The following MYO9A variants were observed in gnomAD, a reference collection of about 807,000 sequenced individuals.
MYO9A encodes unconventional myosin-IXa.
MYO9A carries 103 observed loss-of-function variants against 293.3 expected under a neutral mutation model. The ratio of observed to expected loss-of-function variants is 0.35; its 90% CI spans 0.30 to 0.41. MYO9A has a LOEUF of 0.41. Among genes scored for constraint, MYO9A ranks in the 10% least tolerant of loss-of-function variants. The pLI is 1.00. For synonymous variants in MYO9A, 1,001 were observed against 1,035.7 expected (o/e 0.97, Z 0.64); for missense variants, 2,685 against 3,033.0 (o/e 0.89, Z 2.69).
At chr15:71,942,204 C>T (rs2146191969) in intron 15 of MYO9A, among the ~76,000 whole-genome samples, 2 of 151,994 alleles carry the variant, frequency 1.3e-5, no homozygotes, top group South Asian at 4.2e-4. Flanking sequence ...AATCAGAACA[C>T]AAAATACATA....
intron 1 of MYO9A, among the ~76,000 whole-genome samples, chr15:72,076,802 A>T (rs2150286958): frequency 6.6e-6 from 1 of 152,312 alleles, no homozygotes; most frequent in Non-Finnish European, 1.5e-5. Flanking sequence ...TTGAAGGAGA[A>T]AAACAAGGTC....
At chr15:72,048,822 T>C (rs1026599180) in intron 1 of MYO9A, among the ~76,000 whole-genome samples, 1 of 152,236 alleles carries the variant, frequency 6.6e-6, no homozygotes, top group Non-Finnish European at 1.5e-5. Context: ...TGACATCTAA[T>C]TGACTCTTCT....
chr15:71,831,376 CTAAAATATT>C (rs1246149160), intron 39 of MYO9A, among the ~76,000 whole-genome samples: 1 of 152,178 alleles, frequency 6.6e-6, no homozygotes, highest in African/African-American at 2.4e-5. Flanking sequence ...CCTACAAAGA[CTAAAATATT>C]TATTCTCTAG....
At chr15:72,044,723 A>G (rs955379338) in intron 2 of MYO9A, among the ~76,000 whole-genome samples, 2 of 152,200 alleles carry the variant, frequency 1.3e-5, no homozygotes, top group Non-Finnish European at 1.5e-5. Flanking sequence ...TCTCTACATT[A>G]TTACAAGTTT....
chr15:71,859,225 A>G (rs1183829703), intron 34 of MYO9A, among the ~76,000 whole-genome samples: 9 of 152,228 alleles, frequency 5.9e-5, no homozygotes, highest in Admixed American at 5.9e-4. Context: ...TACATCGATA[A>G]AAGCCTGAAT....
intron 11 of MYO9A, among the ~76,000 whole-genome samples, chr15:71,986,753 GCTA>G (rs1287241169): frequency 6.6e-6 from 1 of 151,982 alleles, no homozygotes; most frequent in Non-Finnish European, 1.5e-5. Context: ...GTTTTAAATG[GCTA>G]CTACAAAAGT....
chr15:71,852,356 A>G, intron 35 of MYO9A, 96 bp from the exon 36 acceptor site: 2 of 1,045,484 alleles, frequency 1.9e-6, no homozygotes, highest in South Asian at 2.2e-5. Flanking sequence ...GGAAGGCTTC[A>G]TGTTTCTTTT....
chr15:72,012,430 G>A (rs2077201046), intron 6 of MYO9A, among the ~76,000 whole-genome samples: 1 of 152,026 alleles, frequency 6.6e-6, no homozygotes, highest in Non-Finnish European at 1.5e-5. Context: ...AAGCAGCTGG[G>A]ATTACAGGTG....
At position 72,092,015 on chromosome 15, in the gene MYO9A, G is replaced by A. The variant is rs575236338; in HGVS notation, c.-72+25665C>T. Among the ~76,000 whole-genome samples, 178 of 152,050 alleles carry A rather than the reference G, an allele frequency of 1.2e-3. 1 individual carries two copies. Among genetic ancestry groups the A allele is most frequent in the African/African-American group, 4.1e-3 (168 of 41,478 alleles). ...ACAGGTGTTAGCCATCGCGCCCGGC[G>A]AAAAATATATATTCTTAAAAGCCTC... is the stretch of plus-strand genomic sequence containing the variant. On this transcript the variant is annotated intron_variant, in intron 1 of 41. Coordinates refer to ENST00000356056, the MANE Select transcript of MYO9A (RefSeq NM_006901.4).
At chr15:71,955,082 T>C (rs1421141195) in intron 14 of MYO9A, among the ~76,000 whole-genome samples, 1 of 152,056 alleles carries the variant, frequency 6.6e-6, no homozygotes, top group Non-Finnish European at 1.5e-5. Context: ...CCCTTGCCCC[T>C]GATCCCACCA....
chr15:71,849,856 T>C (rs2141273967), intron 38 of MYO9A, among the ~76,000 whole-genome samples, 180 bp downstream of exon 38: 1 of 152,278 alleles, frequency 6.6e-6, no homozygotes, highest in East Asian at 1.9e-4. Context: ...TTAAGACAAA[T>C]GATGCTCAGT....
At chr15:72,008,054 A>G (rs554169954) in intron 7 of MYO9A, 102 bp from the exon 8 acceptor site, 2 of 1,373,876 alleles carry the variant, frequency 1.5e-6, no homozygotes, top group East Asian at 2.4e-5. Flanking sequence ...AATATGAAGT[A>G]TTTAGTCTTT....
intron 1 of MYO9A, among the ~76,000 whole-genome samples, chr15:72,077,732 A>AG (rs2079402059): frequency 2.3e-5 from 1 of 43,878 alleles, no homozygotes; most frequent in Non-Finnish European, 3.8e-5. Flanking sequence ...TCTGTCTCAA[A>AG]GAAAAAAAAA....
chr15:71,991,028 G>A (rs2148390154), intron 11 of MYO9A, 75 bp downstream of exon 11: 1 of 1,266,748 alleles, frequency 7.9e-7, no homozygotes, highest in East Asian at 2.7e-5. Context: ...GTGAAAAAAT[G>A]AAGTGAATTA....
rs751017782 is a variant in MYO9A at position 71,991,113 on chromosome 15, T to G, written c.1712A>C (p.Lys571Thr). 6 of 1,600,230 alleles carry G rather than the reference T, an allele frequency of 3.7e-6. No homozygotes were observed. The East Asian group carries it at 1.4e-4, about 36-fold the overall frequency. The part of the protein sequence containing the change: ...LQHYFNQHIF[K>T]LEQEEYRTEG... ...TATTTAGGTACTCACTTGTTCCAAT[T>G]TAAAGATATGCTGATTAAAGTAGTG... The change falls in exon 11 of 42, where the codon AAA becomes ACA. Residue 571 changes from lysine to threonine, a missense_variant. Coordinates refer to ENST00000356056, the MANE Select transcript of MYO9A (RefSeq NM_006901.4).
chr15:72,025,188 A>T (rs1464642080), intron 4 of MYO9A, among the ~76,000 whole-genome samples: 2 of 152,216 alleles, frequency 1.3e-5, no homozygotes, highest in Non-Finnish European at 2.9e-5. Context: ...AATACCAGAT[A>T]AAACAATAAT....
chr15:72,069,129 T>C (rs1485170054), intron 1 of MYO9A, among the ~76,000 whole-genome samples: 1 of 152,172 alleles, frequency 6.6e-6, no homozygotes, highest in East Asian at 1.9e-4. Flanking sequence ...GTATATATCA[T>C]ATCTCCTTTA....
chr15:71,882,600 C>G (rs558042667), intron 28 of MYO9A, among the ~76,000 whole-genome samples: 2 of 152,082 alleles, frequency 1.3e-5, no homozygotes, highest in Admixed American at 6.6e-5. Context: ...CACACCACTC[C>G]GGCCTAAGCA....
rs2076769545 is a variant in MYO9A, at chr15:71,998,552, T to G, written c.1470+1299A>C. ...AAAACTCTTAAAGATTTGGCTTTCT[T>G]TTTTTTTTTTGTCTTTTTTTTTCTT... On this transcript the variant is annotated intron_variant, in intron 9 of 41. Transcript: ENST00000356056. Among the ~76,000 whole-genome samples, 2 of 61,850 alleles carry G rather than the reference T, an allele frequency of 3.2e-5. 1 individual carries two copies. Among genetic ancestry groups the G allele is most frequent in the African/African-American group, 1.3e-4 (2 of 15,890 alleles). 40.6% of individuals were successfully genotyped at this position (61,850 alleles called of 152,430 possible).
Sources: allele counts gnomAD v4.1 joint callset (sites outside exome capture counted in the v4.1 genomes callset), GRCh38; gene constraint gnomAD v4.1.1; transcripts MANE v1.5; gene names NCBI Gene and HGNC (gene_info 2026-07-23, HGNC 2026-07-21).